TNS1: variants seen among roughly 807,000 people sequenced by gnomAD.
The protein encoded by TNS1 is tensin-1.
In TNS1, 62 loss-of-function variants were observed where a neutral mutation model predicts 168.6. The observed-to-expected ratio is 0.37, with a 90% CI of 0.30 to 0.45. The LOEUF (loss-of-function observed/expected upper bound fraction) is 0.45. Among genes scored for constraint, TNS1 ranks in the 20% least tolerant of loss-of-function variants. TNS1 has a pLI of 1.00. For synonymous variants in TNS1, 934 were observed against 933.2 expected, an observed-to-expected ratio of 1.00 and a Z score of -0.02; for missense variants, 2,240 against 2,339.4, an observed-to-expected ratio of 0.96 and a Z score of 0.88.
chr2:217,951,525 C>T (rs1378910664), intron 3 of TNS1, among the ~76,000 whole-genome samples: 2 of 152,172 alleles, frequency 1.3e-5, no homozygotes, highest in East Asian at 3.9e-4. Context: ...ATGTTTGCTA[C>T]TCCTCTCCTA....
chr2:217,900,607 C>T lies in TNS1; in HGVS notation c.322-95G>A, dbSNP rs1559328045. On this transcript the variant is annotated intron_variant, in intron 6 of 32. Coordinates refer to ENST00000682258, the MANE Select transcript of TNS1 (RefSeq NM_001387777.1). ...GCTGTCCACGGGGGCAAACATGATC[C>T]TCTTCTTTCCTTGCCAACATTCTGG... The T allele has an allele frequency of 2.3e-6, 3 of 1,293,868 alleles. No individual in the cohort carries two copies. In the East Asian group the frequency reaches 7.7e-5, roughly 33 times the overall value. The allele number at this position is 1,293,868 out of a possible 1,614,324, so 80.1% of individuals were successfully genotyped here.
At chr2:217,913,003 G>A (rs190260149) in intron 4 of TNS1, among the ~76,000 whole-genome samples, 1 of 152,256 alleles carries the variant, frequency 6.6e-6, no homozygotes, top group African/African-American at 2.4e-5. Context: ...TCAGATCTGC[G>A]CCTCCGAGTC....
Position 217,848,398 on chromosome 2 carries a change from A to G in TNS1, c.2119T>C (p.Tyr707His). The G allele has an allele frequency of 6.3e-7, 1 of 1,583,598 alleles. No individual in the cohort carries two copies. The highest frequency in any genetic ancestry group is 8.6e-7 in the Non-Finnish European group (1 of 1,163,440). Residue 707 changes from tyrosine (Y) to histidine (H), a missense_variant, in exon 19 of 33, where the codon TAC becomes CAC. Physicochemically the swap from Tyr to His is moderately conservative, Grantham distance 83. Transcript: ENST00000682258. The stretch of plus-strand genomic sequence containing the variant: ...CCAGCTAAACCCTCCTGTGCAGAGT[A>G]GGAGGGCCGCATGGGGGCCGTGTGG... ...AGHTAPMRPS[Y>H]SAQEGLAGYQ...
intron 18 of TNS1, chr2:217,859,303 A>G (rs1948559018): frequency 3.0e-6 from 1 of 329,784 alleles, no homozygotes; most frequent in African/African-American, 2.1e-5. Context: ...AAGGCAGAAC[A>G]GATGACAACA....
At position 218,031,056 on chromosome 2, in the gene TNS1, ATG is replaced by A. The variant is rs200546597; in HGVS notation, c.156+2762_156+2763del. 4.1e-5 allele frequency among the ~76,000 whole-genome samples: 6 copies of A among 145,832 alleles called. No individual in the cohort carries two copies. The East Asian group carries it at 1.0e-3, about 25-fold the overall frequency. Reference sequence around the variant, plus strand: ...TGTATGTGAGTGAGCATGTGAGCATATGTGTGAGTGTATGTGTGTGTTTGTGA... The same window carrying A: ...TGTATGTGAGTGAGCATGTGAGCATATGTGAGTGTATGTGTGTGTTTGTGA... On this transcript the variant is annotated intron_variant, in intron 1 of 1. Coordinates refer to the TNS1 transcript ENST00000649572.
chr2:217,911,146 G>T (rs894279352), intron 4 of TNS1, among the ~76,000 whole-genome samples: 10 of 152,178 alleles, frequency 6.6e-5, no homozygotes, highest in Admixed American at 5.9e-4. Flanking sequence ...GGAGCTTAAG[G>T]TCCCCAGGCT....
chr2:217,950,415 C>A (rs11676885), intron 3 of TNS1, among the ~76,000 whole-genome samples: 5 of 151,856 alleles, frequency 3.3e-5, no homozygotes, highest in Non-Finnish European at 5.9e-5. Context: ...CTGCTAGGAA[C>A]AGGATAACAT....
chr2:218,011,224 C>A (rs546195427), upstream of TNS1, among the ~76,000 whole-genome samples: 135 of 152,116 alleles, frequency 8.9e-4, no homozygotes, highest in Non-Finnish European at 1.7e-3. Context: ...GTGAGGTCAT[C>A]CTATTAGGAC....
rs1445846955 is a variant in TNS1 at position 217,848,840 on chromosome 2, G to A, written c.1677C>T (p.Pro559=). The A allele has an allele frequency of 6.2e-7, 1 of 1,614,060 alleles. No individual in the cohort carries two copies. The highest frequency in any genetic ancestry group is 1.7e-5 in the Admixed American group (1 of 60,020). ...GASSATAALS[P]QEKRELDRLL... ...GGCGGTCCAGCTCCCGCTTCTCCTG[G>A]GGACTCAAGGCAGCAGTGGCACTGG... The change falls in exon 19 of 33, where the codon CCC becomes CCT. Residue 559 remains proline (P), a synonymous_variant. Transcript: ENST00000682258.
chr2:218,019,999 A>G (rs1958793776), intron 1 of TNS1, among the ~76,000 whole-genome samples: 1 of 152,080 alleles, frequency 6.6e-6, no homozygotes, highest in South Asian at 2.1e-4. Context: ...AGCCAAGCCC[A>G]GAAATGTGAA....
intron 32 of TNS1, among the ~76,000 whole-genome samples, chr2:217,806,721 C>G (rs1022518195): frequency 1.3e-5 from 2 of 152,354 alleles, no homozygotes; most frequent in South Asian, 2.1e-4. Context: ...CATCACTGAC[C>G]ATGTGATAGA....
intron 1 of TNS1, among the ~76,000 whole-genome samples, chr2:218,019,075 G>A (rs1291068186): frequency 2.0e-5 from 3 of 149,968 alleles, no homozygotes; most frequent in African/African-American, 5.0e-5. Context: ...AGATTCCATC[G>A]CCCAAAAAAA....
chr2:218,014,913 AAGGAAGGAAGGCAGGCAGGCAGGC>A (rs1354085527), upstream of TNS1, among the ~76,000 whole-genome samples: 17 of 82,286 alleles, frequency 2.1e-4, no homozygotes, highest in African/African-American at 6.4e-4. Context: ...GGAAGGAAGG[AAGGAAGGAAGGCAGGCAGGCAGGC>A]AGGCAGGCAG....
chr2:217,871,998 C>T (rs1050854637), intron 18 of TNS1, among the ~76,000 whole-genome samples: 1 of 152,274 alleles, frequency 6.6e-6, no homozygotes, highest in Non-Finnish European at 1.5e-5. Context: ...AAATCCCTGA[C>T]TGGTTGCAGA....
chr2:218,003,526 C>T (rs952131798), upstream of TNS1, among the ~76,000 whole-genome samples: 1 of 152,160 alleles, frequency 6.6e-6, no homozygotes, highest in Admixed American at 6.5e-5. Flanking sequence ...AAGCTCAGAG[C>T]CCAGGACAGG....
At chr2:218,031,565 CTGTGTGTG>C (rs58927791) in intron 1 of TNS1, among the ~76,000 whole-genome samples, 2,017 of 151,588 alleles carry the variant, frequency 0.013, 48 homozygotes, top group African/African-American at 0.047. Flanking sequence ...ATGTGTGTGT[CTGTGTGTG>C]TGTGCACCTT....
chr2:217,878,972 CA>C (rs559181834), intron 18 of TNS1, among the ~76,000 whole-genome samples: 130 of 152,286 alleles, frequency 8.5e-4, no homozygotes, highest in African/African-American at 3.0e-3. Flanking sequence ...ATGGAACCAG[CA>C]GGACCTTTTG....
At chr2:217,811,689 G>A (rs1940940770) in intron 28 of TNS1, among the ~76,000 whole-genome samples, 1 of 152,180 alleles carries the variant, frequency 6.6e-6, no homozygotes, top group Non-Finnish European at 1.5e-5. Flanking sequence ...TATGCTGGGA[G>A]GAGTTCTAGG....
chr2:217,939,811 C>A (rs958305185), intron 3 of TNS1, among the ~76,000 whole-genome samples: 2 of 152,238 alleles, frequency 1.3e-5, no homozygotes, highest in African/African-American at 4.8e-5. Context: ...GCCCACCCAC[C>A]ACCCCTCCCA....
Sources: allele counts gnomAD v4.1 joint callset (sites outside exome capture counted in the v4.1 genomes callset), GRCh38; gene constraint gnomAD v4.1.1; transcripts MANE v1.5; gene names NCBI Gene and HGNC (gene_info 2026-07-23, HGNC 2026-07-21).